RBM47: variants seen among roughly 807,000 people sequenced by gnomAD.
RBM47 encodes RNA binding motif protein 47.
RBM47 carries 21 observed loss-of-function variants against 47.1 expected under a neutral mutation model. The observed-to-expected ratio is 0.45, with a 90% CI of 0.32 to 0.64. RBM47 has a LOEUF of 0.64. Among genes scored for constraint, RBM47 ranks in the 30% least tolerant of loss-of-function variants. The pLI, the probability that RBM47 is intolerant of heterozygous loss-of-function variation, is 0.05. For missense variants in RBM47, 708 were observed against 870.9 expected (o/e 0.81, Z 2.35); for synonymous variants, 375 against 361.7 (o/e 1.04, Z -0.42).
At chr4:40,526,770 T>C (rs1726753268) in intron 2 of RBM47, among the ~76,000 whole-genome samples, 1 of 148,642 alleles carries the variant, frequency 6.7e-6, no homozygotes, top group Non-Finnish European at 1.5e-5. Flanking sequence ...GGTCTCTCAC[T>C]GTGCTGCCCA....
At chr4:40,482,882 G>T (rs1038713645) in intron 2 of RBM47, among the ~76,000 whole-genome samples, 29 of 152,032 alleles carry the variant, frequency 1.9e-4, no homozygotes, top group African/African-American at 6.5e-4. Flanking sequence ...CTAGTTACCT[G>T]TTCAACATAT....
intron 1 of RBM47, among the ~76,000 whole-genome samples, chr4:40,606,915 C>T (rs1389003924): frequency 2.0e-5 from 3 of 151,716 alleles, no homozygotes; most frequent in African/African-American, 7.3e-5. Flanking sequence ...ACCAGGAGAT[C>T]GAGGCTGCAG....
intron 1 of RBM47, among the ~76,000 whole-genome samples, chr4:40,569,028 C>T (rs34793854): frequency 0.02 from 2,674 of 133,820 alleles, 69 homozygotes; most frequent in African/African-American, 0.076. Flanking sequence ...GACAGACAGA[C>T]AGACAGACAG....
chr4:40,585,069 T>C (rs1733413813), intron 1 of RBM47, among the ~76,000 whole-genome samples: 1 of 152,244 alleles, frequency 6.6e-6, no homozygotes, highest in African/African-American at 2.4e-5. Context: ...TTCACTACTT[T>C]GCTTTTCTAA....
chr4:40,592,836 G>A (rs2154275462), intron 1 of RBM47, among the ~76,000 whole-genome samples: 1 of 148,856 alleles, frequency 6.7e-6, no homozygotes, highest in Non-Finnish European at 1.5e-5. Flanking sequence ...CACAGCACTC[G>A]ACCCCTTATT....
chr4:40,554,405 CAAA>C (rs59793972), intron 1 of RBM47, among the ~76,000 whole-genome samples: 2 of 91,032 alleles, frequency 2.2e-5, no homozygotes, highest in African/African-American at 3.4e-5. Flanking sequence ...AAGCAAACCT[CAAA>C]AAAAAAAAAA....
intron 2 of RBM47, among the ~76,000 whole-genome samples, chr4:40,522,604 T>C (rs1355099983): frequency 3.3e-5 from 5 of 152,188 alleles, no homozygotes; most frequent in African/African-American, 1.2e-4. Context: ...TCTACTATAA[T>C]ATTCCTCCCT....
chr4:40,570,238 C>A (rs1731579648), intron 1 of RBM47, among the ~76,000 whole-genome samples: 1 of 151,996 alleles, frequency 6.6e-6, no homozygotes, highest in Non-Finnish European at 1.5e-5. Context: ...CACTTTATTT[C>A]TATTATTACA....
intron 2 of RBM47, among the ~76,000 whole-genome samples, chr4:40,484,947 T>G (rs1458861866): frequency 6.6e-6 from 1 of 152,236 alleles, no homozygotes; most frequent in South Asian, 2.1e-4. Flanking sequence ...TGCTTCTGAT[T>G]CTACATTTGA....
chr4:40,451,872 T>C (rs1415172563), intron 3 of RBM47, among the ~76,000 whole-genome samples: 1 of 152,030 alleles, frequency 6.6e-6, no homozygotes, highest in Non-Finnish European at 1.5e-5. Context: ...CAAGGGTAGA[T>C]GAAGAAGGAA....
chr4:40,601,063 T>C (rs6840737), intron 1 of RBM47, among the ~76,000 whole-genome samples: 1 of 149,166 alleles, frequency 6.7e-6, no homozygotes, highest in Non-Finnish European at 1.5e-5. Context: ...CTCAAGTGCC[T>C]CACGGAAATG....
rs138888858 is a variant in RBM47 at position 40,503,800 on chromosome 4, C to T, written c.-154-37101G>A. Among the ~76,000 whole-genome samples, 1,460 of 152,074 alleles carry T rather than the reference C, an allele frequency of 9.6e-3. 26 individuals are homozygous for T. Among genetic ancestry groups the T allele is most frequent in the African/African-American group, 0.033 (1,377 of 41,468 alleles). On this transcript the variant is annotated intron_variant, in intron 2 of 6. Transcript: ENST00000295971. The stretch of plus-strand genomic sequence containing the variant: ...ACAGATACATATATACATACATACA[C>T]ACACACAGAGGTATGGCCAGAGATT...
At position 40,423,847 on chromosome 4, in the gene RBM47, G is replaced by A. The variant is rs1007798689; in HGVS notation, c.*2057C>T. On this transcript the variant is annotated 3_prime_UTR_variant, in exon 7 of 7. Transcript: ENST00000295971. ...GTGACAATCCTTCACTAGAAGGAGA[G>A]TACTTTTTTCACACAGTCAGGGGAT... is the stretch of plus-strand genomic sequence containing the variant. 6.6e-6 allele frequency: 1 copy of A among 152,472 alleles called. No individual in the cohort carries two copies. Among genetic ancestry groups the A allele is most frequent in the African/African-American group, 2.4e-5 (1 of 41,394 alleles). 9.4% of individuals were successfully genotyped at this position (152,472 alleles called of 1,614,324 possible).
chr4:40,606,757 T>C (rs1463220301), intron 1 of RBM47, among the ~76,000 whole-genome samples: 2 of 152,166 alleles, frequency 1.3e-5, no homozygotes, highest in Non-Finnish European at 2.9e-5. Flanking sequence ...GAAATGTGCA[T>C]GGCATTCAGT....
intron 2 of RBM47, among the ~76,000 whole-genome samples, chr4:40,497,236 C>T (rs955167797): frequency 5.9e-5 from 9 of 152,052 alleles, no homozygotes; most frequent in African/African-American, 2.2e-4. Context: ...TCTGGCTTTA[C>T]TTTTTTCCTG....
Position 40,438,780 on chromosome 4 carries a change from C to G in RBM47, c.114G>C (p.Leu38=). 1 of 1,560,916 alleles carries G rather than the reference C, an allele frequency of 6.4e-7. No individual in the cohort carries two copies. Among genetic ancestry groups the G allele is most frequent in the Non-Finnish European group, 8.6e-7 (1 of 1,158,164 alleles). Residue 38 remains leucine (L), a synonymous_variant, in exon 4 of 7, where the codon CTG becomes CTC. Transcript: ENST00000295971. Reference sequence around the variant, plus strand: ...CCATGCTGTAGCCCGTGCGCTCCATCAGCGCCAGCAGTGCTGCCTCGTTGG... The same window carrying G: ...CCATGCTGTAGCCCGTGCGCTCCATGAGCGCCAGCAGTGCTGCCTCGTTGG... ...GAPNEAALLA[L]MERTGYSMVQ... is the part of the protein sequence containing the mutation.
intron 1 of RBM47, among the ~76,000 whole-genome samples, chr4:40,583,721 GGT>G: frequency 6.6e-6 from 1 of 151,826 alleles, no homozygotes; most frequent in South Asian, 2.1e-4. Context: ...AGCCGGGCGC[GGT>G]GGCGGGCGCC....
chr4:40,512,698 G>A (rs1173216215), intron 2 of RBM47, among the ~76,000 whole-genome samples: 5 of 137,840 alleles, frequency 3.6e-5, no homozygotes, highest in Non-Finnish European at 7.6e-5. Context: ...CTGGGTGACA[G>A]AGTGAGACTT....
chr4:40,534,587 T>C (rs1727736682), intron 2 of RBM47, among the ~76,000 whole-genome samples: 1 of 152,174 alleles, frequency 6.6e-6, no homozygotes, highest in African/African-American at 2.4e-5. Context: ...AGAATGTCGA[T>C]GGACATACCT....
Sources: allele counts gnomAD v4.1 joint callset (sites outside exome capture counted in the v4.1 genomes callset), GRCh38; gene constraint gnomAD v4.1.1; transcripts MANE v1.5; gene names NCBI Gene and HGNC (gene_info 2026-07-23, HGNC 2026-07-21).